GPC5: variants seen among roughly 807,000 people sequenced by gnomAD.
The protein encoded by GPC5 is glypican-5.
Under a neutral mutation model 53.9 loss-of-function variants are expected in GPC5, and 47 were observed. The observed-to-expected ratio is 0.87, with a 90% CI of 0.69 to 1.11. GPC5 has a LOEUF of 1.11. Ranked by LOEUF, GPC5 falls within the 50% of genes most tolerant of loss-of-function variation. GPC5 has a pLI of 0.00. For synonymous variants in GPC5, 286 were observed against 263.3 expected, an observed-to-expected ratio of 1.09 and a Z score of -0.84; for missense variants, 748 against 713.1, an observed-to-expected ratio of 1.05 and a Z score of -0.56.
intron 7 of GPC5, among the ~76,000 whole-genome samples, chr13:92,191,566 G>A (rs963377400): frequency 2.6e-5 from 4 of 152,248 alleles, no homozygotes; most frequent in African/African-American, 9.6e-5. Context: ...AGCAGTACAT[G>A]GATCTTTACA....
chr13:92,022,373 A>G (rs952057882), intron 6 of GPC5, among the ~76,000 whole-genome samples: 2 of 152,188 alleles, frequency 1.3e-5, no homozygotes, highest in African/African-American at 2.4e-5. Context: ...GGATTAGACT[A>G]CTAAAAGTAA....
chr13:91,847,562 T>TA (rs1348978539), intron 5 of GPC5, among the ~76,000 whole-genome samples: 1 of 152,194 alleles, frequency 6.6e-6, no homozygotes, highest in Non-Finnish European at 1.5e-5. Flanking sequence ...AGACTTGATG[T>TA]AATCTTTCTA....
At chr13:91,786,936 A>C (rs2138736287) in intron 5 of GPC5, among the ~76,000 whole-genome samples, 1 of 117,976 alleles carries the variant, frequency 8.5e-6, no homozygotes, top group African/African-American at 3.2e-5. Context: ...TTTATCCATA[A>C]GTGTTTCTCT....
intron 7 of GPC5, among the ~76,000 whole-genome samples, chr13:92,199,183 A>G (rs962342227): frequency 1.3e-5 from 2 of 152,214 alleles, no homozygotes; most frequent in Non-Finnish European, 2.9e-5. Context: ...TAAAACATGC[A>G]TATGTGATCA....
chr13:92,559,836 G>C (rs570883219), intron 7 of GPC5, among the ~76,000 whole-genome samples: 85 of 151,340 alleles, frequency 5.6e-4, no homozygotes, highest in African/African-American at 2.0e-3. Context: ...GCACAATAAC[G>C]TTTGTTTCTG....
At chr13:92,006,261 A>G (rs1038541847) in intron 6 of GPC5, among the ~76,000 whole-genome samples, 1 of 152,192 alleles carries the variant, frequency 6.6e-6, no homozygotes, top group African/African-American at 2.4e-5. Flanking sequence ...ATGTACCAAA[A>G]TAATTTAAGT....
chr13:91,649,131 G>A (rs543555110), intron 2 of GPC5, among the ~76,000 whole-genome samples: 6 of 152,146 alleles, frequency 3.9e-5, no homozygotes, highest in South Asian at 2.1e-4. Flanking sequence ...AGAAGGACCT[G>A]TTTGCTTTCC....
At chr13:91,974,921 G>A (rs1376185971) in intron 6 of GPC5, among the ~76,000 whole-genome samples, 1 of 152,078 alleles carries the variant, frequency 6.6e-6, no homozygotes, top group Non-Finnish European at 1.5e-5. Flanking sequence ...CCAAAACAGA[G>A]ATATAGATCA....
intron 7 of GPC5, among the ~76,000 whole-genome samples, chr13:92,830,553 A>G (rs1219761637): frequency 6.6e-6 from 1 of 152,152 alleles, no homozygotes; most frequent in East Asian, 1.9e-4. Context: ...TAATGAGAAT[A>G]AACCACATTC....
chr13:91,573,695 G>A (rs1594276799), intron 2 of GPC5, among the ~76,000 whole-genome samples: 1 of 151,926 alleles, frequency 6.6e-6, no homozygotes, highest in African/African-American at 2.4e-5. Context: ...TCCTAATTAT[G>A]TATTATACAA....
chr13:91,923,650 A>T (rs776596784), intron 6 of GPC5, among the ~76,000 whole-genome samples: 4 of 152,216 alleles, frequency 2.6e-5, no homozygotes, highest in Non-Finnish European at 4.4e-5. Context: ...TAGCAATAAA[A>T]CAAATCATGA....
chr13:91,980,816 G>T (rs906820629), intron 6 of GPC5, among the ~76,000 whole-genome samples: 15 of 152,262 alleles, frequency 9.9e-5, no homozygotes, highest in Admixed American at 3.3e-4. Flanking sequence ...AAGACTATAG[G>T]TTAGTTCACC....
At chr13:91,664,055 A>G (rs1308133050) in intron 2 of GPC5, among the ~76,000 whole-genome samples, 1 of 152,206 alleles carries the variant, frequency 6.6e-6, no homozygotes, top group Non-Finnish European at 1.5e-5. Flanking sequence ...CTGATTATAC[A>G]ATCACTATAA....
intron 7 of GPC5, among the ~76,000 whole-genome samples, chr13:92,327,589 A>G (rs2043260997): frequency 6.6e-6 from 1 of 152,158 alleles, no homozygotes; most frequent in East Asian, 1.9e-4. Flanking sequence ...AGTAGCTAAC[A>G]TAATAATAGA....
chr13:92,410,250 G>A (rs567990122), intron 7 of GPC5, among the ~76,000 whole-genome samples: 4 of 152,240 alleles, frequency 2.6e-5, no homozygotes, highest in East Asian at 3.9e-4. Flanking sequence ...ATCTAACAGC[G>A]GCTCCATGTA....
At chr13:92,136,122 CAT>C (rs1342944958) in intron 6 of GPC5, among the ~76,000 whole-genome samples, 3 of 151,960 alleles carry the variant, frequency 2.0e-5, no homozygotes, top group Non-Finnish European at 4.4e-5. Context: ...AATAGTGAGT[CAT>C]GTTATATAAA....
intron 2 of GPC5, among the ~76,000 whole-genome samples, chr13:91,628,313 T>A: frequency 6.6e-6 from 1 of 152,176 alleles, no homozygotes; most frequent in East Asian, 1.9e-4. Flanking sequence ...ATTACTGCTT[T>A]ACTGCTAATA....
Position 92,751,338 on chromosome 13 carries a change from T to C in GPC5, c.1562-114944T>C, listed in dbSNP as rs1159418675. On this transcript the variant is annotated intron_variant, in intron 7 of 7. Transcript: ENST00000377067. ...AAAAAAAAAAAAAAAAAAAAAAACC[T>C]TCCAACCTCATAAAATCTTATTTTG... Among the ~76,000 whole-genome samples the C allele has an allele frequency of 8.1e-5, 6 of 73,706 alleles. No homozygotes were observed. The East Asian group carries it at 3.2e-3, about 40-fold the overall frequency. 48.4% of individuals were successfully genotyped at this position (73,706 alleles called of 152,430 possible).
intron 7 of GPC5, among the ~76,000 whole-genome samples, chr13:92,644,289 C>T (rs1458100355): frequency 6.6e-6 from 1 of 152,110 alleles, no homozygotes; most frequent in Non-Finnish European, 1.5e-5. Flanking sequence ...TTGCTGCTAG[C>T]TTTAGAAACA....
Sources: gnomAD v4.1 joint callset for allele counts (sites outside exome capture counted in the v4.1 genomes callset) on GRCh38, gnomAD v4.1.1 for gene constraint, MANE v1.5 for transcripts, NCBI Gene and HGNC (gene_info 2026-07-23, HGNC 2026-07-21) for gene names.